STAP1: variants seen among roughly 807,000 people sequenced by gnomAD.
STAP1 encodes signal transducing adaptor family member 1.
STAP1 carries 30 observed loss-of-function variants against 37.8 expected under a neutral mutation model. That is an observed-to-expected ratio of 0.79 (90% CI 0.59 to 1.08). The LOEUF is 1.08. Among genes scored for constraint, STAP1 ranks in the 50% least tolerant of loss-of-function variants. The probability of loss-of-function intolerance (pLI) is 0.00; values close to 1 mark genes in which losing one functional copy is unlikely to be tolerated. For synonymous variants in STAP1, 130 were observed against 116.0 expected, an observed-to-expected ratio of 1.12 and a Z score of -0.78; for missense variants, 357 against 349.4, an observed-to-expected ratio of 1.02 and a Z score of -0.17.
At chr4:67,583,461 T>C in intron 5 of STAP1, 113 bp from the exon 6 acceptor site, 5 of 1,158,244 alleles carry the variant, frequency 4.3e-6, no homozygotes, top group Non-Finnish European at 5.9e-6. Flanking sequence ...AACCGGAAGT[T>C]TTAAGAAAAG....
At chr4:67,588,355 ATG>A (rs1728038469) in intron 6 of STAP1, among the ~76,000 whole-genome samples, 1 of 92,742 alleles carries the variant, frequency 1.1e-5, no homozygotes, top group Non-Finnish European at 2.9e-5. Context: ...GACGACGACG[ATG>A]ATGATGATGA....
chr4:67,587,189 C>T (rs1003593972), intron 6 of STAP1, among the ~76,000 whole-genome samples: 2 of 152,110 alleles, frequency 1.3e-5, no homozygotes, highest in African/African-American at 4.8e-5. Context: ...GTAGAAACCT[C>T]GGCTATTGGG....
intron 3 of STAP1, among the ~76,000 whole-genome samples, chr4:67,576,757 G>C (rs570644313): frequency 6.6e-6 from 1 of 151,978 alleles, no homozygotes; most frequent in African/African-American, 2.4e-5. Flanking sequence ...GCCTCCCAAA[G>C]TGCTGAGACT....
intron 8 of STAP1, among the ~76,000 whole-genome samples, chr4:67,599,928 C>T (rs111867012): frequency 0.011 from 1,600 of 152,262 alleles, 9 homozygotes; most frequent in Middle Eastern, 0.024. Context: ...AGGTGTGAGC[C>T]ACCATGCCTG....
chr4:67,605,822 A>C (rs1728437936), intron 8 of STAP1, among the ~76,000 whole-genome samples: 2 of 152,180 alleles, frequency 1.3e-5, no homozygotes, highest in South Asian at 4.1e-4. Flanking sequence ...AGTACATCAA[A>C]CTTGGGAAAT....
intron 6 of STAP1, 106 bp from the exon 7 acceptor site, chr4:67,590,778 T>G: frequency 2.5e-6 from 1 of 407,660 alleles, no homozygotes; most frequent in Non-Finnish European, 4.0e-6. Context: ...CAAACTATAG[T>G]CATGACAACA....
chr4:67,569,893 C>A (rs1028637518), intron 1 of STAP1, among the ~76,000 whole-genome samples: 2 of 152,118 alleles, frequency 1.3e-5, no homozygotes, highest in Non-Finnish European at 1.5e-5. Context: ...CAATGCCTGG[C>A]TAATTTTTGT....
At chr4:67,591,789 G>T (rs1728123770) in intron 7 of STAP1, among the ~76,000 whole-genome samples, 1 of 152,190 alleles carries the variant, frequency 6.6e-6, no homozygotes, top group East Asian at 1.9e-4. Context: ...GAGCAAGGTA[G>T]CTGCTGATTC....
chr4:67,570,995 G>C, intron 1 of STAP1, 89 bp from the exon 2 acceptor site: 14 of 1,024,060 alleles, frequency 1.4e-5, no homozygotes, highest in Non-Finnish European at 2.0e-5. Context: ...TATCACACAA[G>C]CAATTAAGAA....
chr4:67,588,353 CGATGAT>C (rs35620968), intron 6 of STAP1, among the ~76,000 whole-genome samples: 21 of 150,912 alleles, frequency 1.4e-4, no homozygotes, highest in South Asian at 2.1e-4. Context: ...ACGACGACGA[CGATGAT>C]GATGATGATG....
chr4:67,559,055 G>A (rs867119684), intron 1 of STAP1, 126 bp downstream of exon 1: 2 of 1,004,332 alleles, frequency 2.0e-6, no homozygotes. Context: ...TCTTCTTTGA[G>A]CTCAGAAAAA....
intron 1 of STAP1, among the ~76,000 whole-genome samples, chr4:67,566,478 C>T (rs2109854944): frequency 6.6e-6 from 1 of 152,268 alleles, no homozygotes; most frequent in South Asian, 2.1e-4. Context: ...GATTAAGAGC[C>T]ACAAGCTGAA....
At chr4:67,597,815 C>A (rs1445506752) in intron 8 of STAP1, among the ~76,000 whole-genome samples, 1 of 152,142 alleles carries the variant, frequency 6.6e-6, no homozygotes. Flanking sequence ...ATGCCTGTAC[C>A]CCCATTGTAT....
At chr4:67,583,829 T>G in intron 6 of STAP1, 127 bp downstream of exon 6, 10 of 1,139,574 alleles carry the variant, frequency 8.8e-6, no homozygotes, top group Non-Finnish European at 1.2e-5. Context: ...CCGGGTGCGG[T>G]GGCTCACGCC....
intron 3 of STAP1, among the ~76,000 whole-genome samples, chr4:67,576,520 A>G (rs1430662661): frequency 6.6e-6 from 1 of 152,240 alleles, no homozygotes; most frequent in Non-Finnish European, 1.5e-5. Context: ...AGGTTAAATC[A>G]AGTAATACCT....
At chr4:67,588,942 G>T (rs1213083560) in intron 6 of STAP1, among the ~76,000 whole-genome samples, 1 of 152,120 alleles carries the variant, frequency 6.6e-6, no homozygotes, top group Non-Finnish European at 1.5e-5. Flanking sequence ...ATGCTTAAAT[G>T]TGCCAGACAC....
intron 6 of STAP1, among the ~76,000 whole-genome samples, chr4:67,585,563 G>A (rs1415794856): frequency 6.6e-6 from 1 of 152,072 alleles, no homozygotes; most frequent in Admixed American, 6.5e-5. Flanking sequence ...ATCTCTGTGT[G>A]TATATTTCTA....
In STAP1 at chr4:67,562,493, T is replaced by C. The variant is rs557051901; in HGVS notation, c.120+3564T>C. Among the ~76,000 whole-genome samples the C allele has an allele frequency of 3.0e-3, 448 of 150,324 alleles. 4 individuals carry two copies. The highest frequency in any genetic ancestry group is 9.9e-3 in the Admixed American group (148 of 15,022). On this transcript the variant is annotated intron_variant, in intron 1 of 8. Transcript: ENST00000265404. ...ATAAGAATATTAATTCAGCCGGGCG[T>C]GGTGGCTCACGCCTGTAATCCCAGC...
intron 6 of STAP1, among the ~76,000 whole-genome samples, chr4:67,588,956 A>T (rs1728060990): frequency 6.6e-6 from 1 of 152,190 alleles, no homozygotes. Context: ...CAGACACTGT[A>T]CTAAGGGCTT....
Sources: allele counts gnomAD v4.1 joint callset (sites outside exome capture counted in the v4.1 genomes callset), GRCh38; gene constraint gnomAD v4.1.1; transcripts MANE v1.5; gene names NCBI Gene and HGNC (gene_info 2026-07-23, HGNC 2026-07-21).